PKD1L1: variants seen among roughly 807,000 people sequenced by gnomAD.
PKD1L1 encodes the protein polycystin-1-like protein 1.
Under a neutral mutation model 323.4 loss-of-function variants are expected in PKD1L1, and 236 were observed. That is an observed-to-expected ratio of 0.73 (90% CI 0.66 to 0.81). PKD1L1 has a LOEUF of 0.81. PKD1L1 is among the 40% of genes least tolerant of loss of function. The pLI is 0.00. For synonymous variants in PKD1L1, 1,344 were observed against 1,335.0 expected, an observed-to-expected ratio of 1.01 and a Z score of -0.15; for missense variants, 3,320 against 3,508.0, an observed-to-expected ratio of 0.95 and a Z score of 1.35.
chr7:47,833,585 C>A (rs1785394102), intron 40 of PKD1L1, among the ~76,000 whole-genome samples: 1 of 152,150 alleles, frequency 6.6e-6, no homozygotes, highest in Non-Finnish European at 1.5e-5. Context: ...TTGAACAAAG[C>A]CTCCAAGTGG....
chr7:47,871,718 A>G (rs1485814243), intron 24 of PKD1L1, among the ~76,000 whole-genome samples: 3 of 152,222 alleles, frequency 2.0e-5, no homozygotes, highest in Admixed American at 2.0e-4. Context: ...ACAAAATCCA[A>G]TACGTTTTTA....
chr7:47,920,242 A>T lies in PKD1L1; in HGVS notation c.1061-4643T>A, dbSNP rs1787507234. On this transcript the variant is annotated intron_variant, in intron 7 of 56. Transcript: ENST00000289672. ...AGAGACCAAGCTGAGAATCAAATCAAGAACTCAACCCCTTTTAAAACAGCT... is the reference window on the plus strand; with the variant it reads ...AGAGACCAAGCTGAGAATCAAATCATGAACTCAACCCCTTTTAAAACAGCT... Among the ~76,000 whole-genome samples the T allele has an allele frequency of 1.3e-5, 2 of 151,940 alleles. 1 individual carries two copies. Among genetic ancestry groups the T allele is most frequent in the South Asian group, 4.2e-4 (2 of 4,818 alleles).
At position 47,840,765 on chromosome 7, in the gene PKD1L1, G is replaced by C. The variant is rs564000969; in HGVS notation, c.5446-198C>G. On this transcript the variant is annotated intron_variant, in intron 34 of 56. Coordinates refer to ENST00000289672, the MANE Select transcript of PKD1L1 (RefSeq NM_138295.5). This position sits in a 1 kb window ranked among gnomAD's most constrained non-coding sequence, Gnocchi z 4.1. ...GGCTTCCCTGGAGAGCCAGAGGAGA[G>C]CCTCGAAGTGGAGCCTGGTAGAATT... Among the ~76,000 whole-genome samples the C allele has an allele frequency of 1.3e-5, 2 of 152,366 alleles. No homozygotes were observed. Among genetic ancestry groups the C allele is most frequent in the African/African-American group, 4.8e-5 (2 of 41,598 alleles).
At position 47,858,782 on chromosome 7, in the gene PKD1L1, T is replaced by G; in HGVS notation, c.4253A>C (p.Glu1418Ala). 1 of 1,614,186 alleles carries G rather than the reference T, an allele frequency of 6.2e-7. No homozygotes were observed. Among genetic ancestry groups the G allele is most frequent in the Non-Finnish European group, 8.5e-7 (1 of 1,180,036 alleles). Residue 1418 changes from glutamate to alanine, a missense_variant, in exon 27 of 57, where the codon GAG becomes GCG. By Grantham distance (107) the Glu-to-Ala change is moderately radical (BLOSUM62 -1). Coordinates refer to ENST00000289672, the MANE Select transcript of PKD1L1 (RefSeq NM_138295.5). ...PFVIDKGVRL[E>A]LIGLISRVWE... is the part of the protein sequence containing the mutation. ...GACTCTGGATATGAGACCGATGAGC[T>G]CAAGCCTCACTCCTTTGTCAATCAC...
At position 47,862,467 on chromosome 7, in the gene PKD1L1, A is replaced by G. The variant is rs987312503; in HGVS notation, c.4149+2749T>C. Among the ~76,000 whole-genome samples the G allele has an allele frequency of 1.9e-4, 29 of 152,276 alleles. No homozygotes were observed. The East Asian group carries it at 5.6e-3, about 29-fold the overall frequency. The stretch of plus-strand genomic sequence containing the variant: ...TGCCCATCTCTCTTGAGCGCCTGCC[A>G]TGCGTTACACCTATGGTATTTCTGT... On this transcript the variant is annotated intron_variant, in intron 26 of 56. Transcript: ENST00000289672.
At chr7:47,813,529 G>A (rs1784948468) in intron 48 of PKD1L1, 1 of 691,844 alleles carries the variant, frequency 1.4e-6, no homozygotes, top group Admixed American at 2.0e-5. Flanking sequence ...ATGGTTCTAA[G>A]GCTTAGACCA....
At chr7:47,862,884 G>A (rs879710907) in intron 26 of PKD1L1, among the ~76,000 whole-genome samples, 1 of 152,204 alleles carries the variant, frequency 6.6e-6, no homozygotes, top group Non-Finnish European at 1.5e-5. Context: ...AGAAGCCACG[G>A]GGAGTGCTGA....
chr7:47,848,549 C>T (rs949007949), intron 31 of PKD1L1, among the ~76,000 whole-genome samples: 1 of 152,182 alleles, frequency 6.6e-6, no homozygotes, highest in African/African-American at 2.4e-5. Flanking sequence ...GTGGCTCACG[C>T]CTGTAATCCC....
At position 47,855,241 on chromosome 7, in the gene PKD1L1, G is replaced by C; in HGVS notation, c.4615C>G (p.Leu1539Val). Residue 1539 changes from leucine to valine, a missense_variant, in exon 29 of 57, where the codon CTC (leucine) becomes GTC (valine). Transcript: ENST00000289672. ...GGTCTTCTGCTGGAGCAGGTATAGA[G>C]GTTGAGGCCCACAACTCCACCAATC... is the stretch of plus-strand genomic sequence containing the variant. ...GQIGGVVGLN[L>V]YTCSSRRPIN... 1 of 1,613,750 alleles carries C rather than the reference G, an allele frequency of 6.2e-7. No individual in the cohort carries two copies. Among genetic ancestry groups the C allele is most frequent in the Non-Finnish European group, 8.5e-7 (1 of 1,179,734 alleles).
intron 56 of PKD1L1, among the ~76,000 whole-genome samples, chr7:47,789,325 T>A (rs1786885430): frequency 6.6e-6 from 1 of 152,226 alleles, no homozygotes; most frequent in South Asian, 2.1e-4. Context: ...GTTCTCTCCT[T>A]CCAAAATTTT....
At chr7:47,949,645 A>G (rs967528656), upstream of PKD1L1, among the ~76,000 whole-genome samples, 1 of 152,148 alleles carries the variant, frequency 6.6e-6, no homozygotes, top group African/African-American at 2.4e-5. Flanking sequence ...CTTTATACCA[A>G]CATTTAAACC....
chr7:47,866,462 T>A lies in PKD1L1; in HGVS notation c.4049A>T (p.Asp1350Val). 4 of 1,613,736 alleles carry A rather than the reference T, an allele frequency of 2.5e-6. No homozygotes were observed. Among genetic ancestry groups the A allele is most frequent in the Non-Finnish European group, 3.4e-6 (4 of 1,179,866 alleles). The part of the protein sequence containing the change: ...ASCNQWSRIQ[D>V]ALISSVCRLA... ...TCTGCATACTGAAGAAATTAATGCATCCTGTATTCGTGACCATTGGTTGCA... is the reference window on the plus strand; with the variant it reads ...TCTGCATACTGAAGAAATTAATGCAACCTGTATTCGTGACCATTGGTTGCA... The change falls in exon 25 of 57, where the codon GAT becomes GTT. Residue 1350 changes from aspartate (D) to valine (V), a missense_variant. By Grantham distance (152) the Asp-to-Val change is radical. Coordinates refer to ENST00000289672, the MANE Select transcript of PKD1L1 (RefSeq NM_138295.5).
intron 44 of PKD1L1, among the ~76,000 whole-genome samples, chr7:47,827,797 G>A (rs1391064319): frequency 6.6e-6 from 1 of 152,170 alleles, no homozygotes; most frequent in East Asian, 1.9e-4. Flanking sequence ...TTGGGCACTG[G>A]CACAGTATTT....
intron 55 of PKD1L1, chr7:47,795,502 T>C: frequency 5.2e-6 from 2 of 382,144 alleles, no homozygotes; most frequent in Non-Finnish European, 1.0e-5. Context: ...ATCAGCAGTA[T>C]GAAAACAAAC....
chr7:47,942,215 T>G (rs1788002105), intron 2 of PKD1L1, among the ~76,000 whole-genome samples: 1 of 152,170 alleles, frequency 6.6e-6, no homozygotes, highest in Non-Finnish European at 1.5e-5. Context: ...TGAGACTTTA[T>G]CTCCCTTCTC....
At chr7:47,936,555 G>A (rs1480602014) in intron 4 of PKD1L1, among the ~76,000 whole-genome samples, 1 of 152,106 alleles carries the variant, frequency 6.6e-6, no homozygotes, top group African/African-American at 2.4e-5. Flanking sequence ...TACCCAGAAG[G>A]CTCACCATAT....
intron 7 of PKD1L1, among the ~76,000 whole-genome samples, chr7:47,922,355 G>A (rs577412929): frequency 2.0e-4 from 31 of 152,220 alleles, no homozygotes; most frequent in Admixed American, 1.3e-3. Context: ...AGTGAGGAGC[G>A]TCTCTGCCTG....
intron 21 of PKD1L1, among the ~76,000 whole-genome samples, chr7:47,879,760 C>T (rs1223414383): frequency 2.0e-5 from 3 of 148,380 alleles, no homozygotes; most frequent in Admixed American, 6.7e-5. Context: ...GGTGAAACCC[C>T]ATCTCTACTA....
rs142989974 is a variant in PKD1L1 at position 47,824,801 on chromosome 7, T to A, written c.6854+2549A>T. Among the ~76,000 whole-genome samples the A allele has an allele frequency of 2.0e-5, 3 of 152,268 alleles. No homozygotes were observed. The East Asian group carries it at 5.8e-4, about 29-fold the overall frequency. On this transcript the variant is annotated intron_variant, in intron 45 of 56. Coordinates refer to ENST00000289672, the MANE Select transcript of PKD1L1 (RefSeq NM_138295.5). Reference sequence around the variant, plus strand: ...AGCCTGGAGGGGTAGTCTTCATGCTTCTACATAGCTGGACACTACTACACT... The same window carrying A: ...AGCCTGGAGGGGTAGTCTTCATGCTACTACATAGCTGGACACTACTACACT...
Sources: allele counts gnomAD v4.1 joint callset (sites outside exome capture counted in the v4.1 genomes callset), GRCh38; gene constraint gnomAD v4.1.1; non-coding constraint Gnocchi (gnomAD v3.1); transcripts MANE v1.5; gene names NCBI Gene and HGNC (gene_info 2026-07-23, HGNC 2026-07-21).